FAM53A: variants seen among roughly 807,000 people sequenced by gnomAD.
FAM53A encodes the protein family with sequence similarity 53 member A, also known as protein FAM53A.
Under a neutral mutation model 26.6 loss-of-function variants are expected in FAM53A, and 28 were observed. The observed-to-expected ratio is 1.05, with a 90% CI of 0.78 to 1.45. The LOEUF (loss-of-function observed/expected upper bound fraction) is 1.45. Among genes scored for constraint, FAM53A ranks in the 40% most tolerant of loss-of-function variants. FAM53A has a pLI of 0.00. For synonymous variants in FAM53A, 290 were observed against 253.1 expected (o/e 1.15, Z -1.38); for missense variants, 650 against 575.8 (o/e 1.13, Z -1.32).
chr4:1,602,829 G>A, the FAM53A span, among the ~76,000 whole-genome samples: 1 of 152,246 alleles, frequency 6.6e-6, no homozygotes, highest in Non-Finnish European at 1.5e-5. Flanking sequence ...GGGTCTGAGG[G>A]CAGCAGGAGC....
chr4:1,621,171 C>T (rs1462056314), intron 1 of FAM53A, among the ~76,000 whole-genome samples: 4 of 136,042 alleles, frequency 2.9e-5, no homozygotes, highest in East Asian at 2.3e-4. Flanking sequence ...GGCACAATCT[C>T]GGCTCACTAC....
downstream of FAM53A, among the ~76,000 whole-genome samples, chr4:1,638,945 C>T (rs543624817): frequency 8.1e-4 from 124 of 152,326 alleles, no homozygotes; most frequent in South Asian, 0.025. Context: ...GTGGACTCAG[C>T]GTAGAGAGTG....
At chr4:1,663,228 C>T (rs1334302265) in intron 2 of FAM53A, among the ~76,000 whole-genome samples, 1 of 152,154 alleles carries the variant, frequency 6.6e-6, no homozygotes, top group African/African-American at 2.4e-5. Context: ...AACTCTCATA[C>T]ATTGCTGCAG....
chr4:1,653,908 T>C (rs1343339155), intron 4 of FAM53A, among the ~76,000 whole-genome samples: 1 of 152,198 alleles, frequency 6.6e-6, no homozygotes, highest in African/African-American at 2.4e-5. Flanking sequence ...CTCCAGTCAC[T>C]GTCCCCACAG....
chr4:1,684,090 C>G (rs2109097897), intron 1 of FAM53A, 143 bp downstream of exon 1: 1 of 152,186 alleles, frequency 6.6e-6, no homozygotes, highest in South Asian at 2.1e-4. Flanking sequence ...TCCACGCGCC[C>G]AGCTCGGAGC....
In FAM53A at chr4:1,655,023, G is replaced by A. The variant is rs1315299487; in HGVS notation, c.837C>T (p.Asp279=). The change falls in exon 4 of 5, where the codon GAC becomes GAT. Residue 279 remains aspartate, a synonymous_variant. Transcript: ENST00000308132. ...CCAAGGATGGGCGTGTCCACCTGGCGTCCTCCTCACGCCTCCGTTTGCGCC... is the reference window on the plus strand; with the variant it reads ...CCAAGGATGGGCGTGTCCACCTGGCATCCTCCTCACGCCTCCGTTTGCGCC... ...RSRRKRRREE[D]ARWTRPSLDF... is the part of the protein sequence containing the mutation. 30 of 1,561,790 alleles carry A rather than the reference G, an allele frequency of 1.9e-5. No homozygotes were observed. The highest frequency in any genetic ancestry group is 4.8e-5 in the South Asian group (4 of 82,918).
intron 2 of FAM53A, among the ~76,000 whole-genome samples, chr4:1,660,741 T>C (rs973749057): frequency 2.6e-5 from 4 of 151,642 alleles, no homozygotes; most frequent in African/African-American, 9.7e-5. Flanking sequence ...ACAAAAAAAT[T>C]AGCCAGGCGT....
chr4:1,636,884 T>TCTGG (rs558635906), downstream of FAM53A, among the ~76,000 whole-genome samples: 1 of 150,726 alleles, frequency 6.6e-6, no homozygotes, highest in Non-Finnish European at 1.5e-5. Flanking sequence ...CTGCTCTTGC[T>TCTGG]GGGGGGGGGT....
the FAM53A span, among the ~76,000 whole-genome samples, chr4:1,582,509 G>A: frequency 6.6e-6 from 1 of 152,238 alleles, no homozygotes; most frequent in East Asian, 1.9e-4. Flanking sequence ...AAGACCAGGA[G>A]GAGGCTGGCG....
chr4:1,670,351 G>A (rs1246161461), intron 1 of FAM53A, among the ~76,000 whole-genome samples: 1 of 152,232 alleles, frequency 6.6e-6, no homozygotes, highest in Non-Finnish European at 1.5e-5. Context: ...GGGCAAAGGC[G>A]CCACCACCAA....
intron 4 of FAM53A, among the ~76,000 whole-genome samples, chr4:1,643,170 T>C (rs1711893343): frequency 6.6e-6 from 1 of 152,166 alleles, no homozygotes; most frequent in African/African-American, 2.4e-5. Flanking sequence ...TATTGGGCTC[T>C]AAAAGACAAA....
downstream of FAM53A, among the ~76,000 whole-genome samples, chr4:1,615,995 G>C (rs964343042): frequency 6.6e-6 from 1 of 152,190 alleles, no homozygotes; most frequent in Non-Finnish European, 1.5e-5. Context: ...GGGGCCTCCT[G>C]CCTGTCATCA....
Position 1,656,186 on chromosome 4 carries a change from C to T in FAM53A, c.137-463G>A, listed in dbSNP as rs570016955. ...CAACACAGGGTCACACCTGCTGCCA[C>T]GGTCTTCAGGGAGAGTCTGAGCCCC... On this transcript the variant is annotated intron_variant, in intron 3 of 4. Transcript: ENST00000308132. 1.1e-4 allele frequency among the ~76,000 whole-genome samples: 17 copies of T among 152,314 alleles called. No homozygotes were observed. In the South Asian group the frequency reaches 2.1e-3, roughly 19 times the overall value.
chr4:1,661,225 T>G (rs1713810475), intron 2 of FAM53A, among the ~76,000 whole-genome samples: 1 of 151,866 alleles, frequency 6.6e-6, no homozygotes, highest in Non-Finnish European at 1.5e-5. Flanking sequence ...GCTCCCACCC[T>G]CACAGGCTCC....
At chr4:1,580,738 G>A in the FAM53A span, among the ~76,000 whole-genome samples, 90 of 125,362 alleles carry the variant, frequency 7.2e-4, no homozygotes, top group Non-Finnish European at 1.1e-3. Context: ...TCCCTCCCAG[G>A]TCCTGCCTCC....
At chr4:1,596,287 C>T in the FAM53A span, among the ~76,000 whole-genome samples, 1 of 152,218 alleles carries the variant, frequency 6.6e-6, no homozygotes. Context: ...TAATTCCATG[C>T]TGTCCGGATT....
rs183121718 is a variant in FAM53A at position 1,623,641 on chromosome 4, G to A, written c.432-5530C>T. Among the ~76,000 whole-genome samples the A allele has an allele frequency of 5.0e-4, 76 of 152,366 alleles. No homozygotes were observed. The East Asian group carries it at 0.011, about 22-fold the overall frequency. ...CCGTCAGCAGACGGCCGCCCGCTCC[G>A]GAACACGGCGGCAGCTCATCTGAAT... On this transcript the variant is annotated intron_variant, in intron 1 of 1. Transcript: ENST00000489029.
chr4:1,665,333 T>G (rs1041381356), intron 2 of FAM53A, among the ~76,000 whole-genome samples: 1 of 143,092 alleles, frequency 7.0e-6, no homozygotes, highest in Non-Finnish European at 1.5e-5. Flanking sequence ...AAAAAAAAAT[T>G]AAAAAATAGG....
chr4:1,587,394 G>A, the FAM53A span, among the ~76,000 whole-genome samples: 1,501 of 152,152 alleles, frequency 9.9e-3, 14 homozygotes, highest in African/African-American at 0.034. Flanking sequence ...CTTTCTGGCC[G>A]GGCACAGTGG....
Sources: allele counts gnomAD v4.1 joint callset (sites outside exome capture counted in the v4.1 genomes callset), GRCh38; gene constraint gnomAD v4.1.1; transcripts MANE v1.5; gene names NCBI Gene and HGNC (gene_info 2026-07-23, HGNC 2026-07-21).